EML4: variants seen among roughly 807,000 people sequenced by gnomAD.
EML4 encodes EMAP like 4, also known as echinoderm microtubule-associated protein-like 4.
Under a neutral mutation model 129.0 loss-of-function variants are expected in EML4, and 72 were observed. That is an observed-to-expected ratio of 0.56 (90% CI 0.46 to 0.68). The LOEUF (loss-of-function observed/expected upper bound fraction) is 0.68. Ranked by LOEUF, EML4 falls within the 30% of genes least tolerant of loss-of-function variation. The pLI is 0.00. For missense variants in EML4, 1,363 were observed against 1,190.6 expected, an observed-to-expected ratio of 1.14 and a Z score of -2.13; for synonymous variants, 532 against 405.0, an observed-to-expected ratio of 1.31 and a Z score of -3.77.
intron 1 of EML4, among the ~76,000 whole-genome samples, chr2:42,221,433 A>G (rs1054573201): frequency 1.1e-4 from 8 of 71,702 alleles, no homozygotes; most frequent in African/African-American, 3.0e-4. Context: ...TTTTTGAGAC[A>G]GGACCTTGCT....
chr2:42,221,287 C>T lies in EML4; in HGVS notation c.26-24218C>T, dbSNP rs536269390. On this transcript the variant is annotated intron_variant, in intron 1 of 22. Coordinates refer to ENST00000318522, the MANE Select transcript of EML4 (RefSeq NM_019063.5). The stretch of plus-strand genomic sequence containing the variant: ...ATGACTTTAAGTTGAAGCCAGTGCT[C>T]ATTGACCATTCTGAAAATCCTAGGG... 5.9e-5 allele frequency among the ~76,000 whole-genome samples: 9 copies of T among 152,058 alleles called. No individual in the cohort carries two copies. The East Asian group carries it at 1.2e-3, about 20-fold the overall frequency.
intron 5 of EML4, among the ~76,000 whole-genome samples, chr2:42,263,896 A>G (rs918114757): frequency 2.6e-5 from 4 of 151,202 alleles, no homozygotes; most frequent in African/African-American, 4.9e-5. Flanking sequence ...CGCCCAGCTA[A>G]TTTTTGTATT....
At chr2:42,213,692 C>G (rs1415211411) in intron 1 of EML4, among the ~76,000 whole-genome samples, 1 of 151,970 alleles carries the variant, frequency 6.6e-6, no homozygotes, top group Non-Finnish European at 1.5e-5. Flanking sequence ...GACTAGAAAA[C>G]AAGAATAATT....
intron 3 of EML4, among the ~76,000 whole-genome samples, chr2:42,260,843 A>G (rs755920862): frequency 9.2e-5 from 14 of 152,224 alleles, no homozygotes; most frequent in Non-Finnish European, 1.6e-4. Flanking sequence ...GTCCCCCAAA[A>G]TCTGCCAAGA....
intron 17 of EML4, among the ~76,000 whole-genome samples, chr2:42,314,445 G>T (rs1480123559): frequency 6.6e-6 from 1 of 152,082 alleles, no homozygotes; most frequent in African/African-American, 2.4e-5. Flanking sequence ...GAAACTTTTA[G>T]GCAGCTAACC....
intron 1 of EML4, among the ~76,000 whole-genome samples, chr2:42,199,537 T>C (rs182700421): frequency 6.6e-6 from 1 of 152,306 alleles, no homozygotes; most frequent in East Asian, 1.9e-4. Flanking sequence ...GACAGGACAA[T>C]GCTGTTATCT....
intron 17 of EML4, among the ~76,000 whole-genome samples, chr2:42,306,426 G>A (rs1275627134): frequency 6.8e-6 from 1 of 146,222 alleles, no homozygotes; most frequent in Non-Finnish European, 1.5e-5. Flanking sequence ...TAAAGTCCTT[G>A]AAATAATAAA....
chr2:42,325,989 C>A (rs1407599444), intron 20 of EML4, 165 bp from the exon 21 acceptor site: 1 of 639,932 alleles, frequency 1.6e-6, no homozygotes, highest in Non-Finnish European at 1.9e-6. Flanking sequence ...GTTTTATAAA[C>A]CCTGTTAAAG....
chr2:42,305,441 A>G lies in EML4; in HGVS notation c.1967+890A>G, dbSNP rs563652912. On this transcript the variant is annotated intron_variant, in intron 17 of 22. Coordinates refer to ENST00000318522, the MANE Select transcript of EML4 (RefSeq NM_019063.5). ...GAAGAATCAGAAAATTTCTCTCCTCATCTTTTATGCAGGGGAAGGATTTGA... is the reference window on the plus strand; with the variant it reads ...GAAGAATCAGAAAATTTCTCTCCTCGTCTTTTATGCAGGGGAAGGATTTGA... 7.9e-5 allele frequency among the ~76,000 whole-genome samples: 12 copies of G among 152,324 alleles called. No individual in the cohort carries two copies. The South Asian group carries it at 2.3e-3, about 29-fold the overall frequency.
intron 13 of EML4, among the ~76,000 whole-genome samples, chr2:42,300,803 A>G (rs1668239542): frequency 6.6e-6 from 1 of 152,206 alleles, no homozygotes; most frequent in South Asian, 2.1e-4. Flanking sequence ...GCCTAGTCAC[A>G]GCTTTGTTAT....
At chr2:42,197,881 A>C (rs1671986308) in intron 1 of EML4, among the ~76,000 whole-genome samples, 1 of 152,192 alleles carries the variant, frequency 6.6e-6, no homozygotes, top group South Asian at 2.1e-4. Flanking sequence ...ATAGAATTAG[A>C]AGCATAATAT....
Position 42,240,091 on chromosome 2 carries a change from C to G in EML4, c.26-5414C>G, listed in dbSNP as rs576447555. On this transcript the variant is annotated intron_variant, in intron 1 of 22. Transcript: ENST00000318522. ...AATGATGAGAGGGGTTGTTGGACTT[C>G]AAGATAGTGTCTGTTCTTGTTTTAG... is the stretch of plus-strand genomic sequence containing the variant. 2.0e-5 allele frequency among the ~76,000 whole-genome samples: 3 copies of G among 152,238 alleles called. No homozygotes were observed. In the South Asian group the frequency reaches 6.2e-4, roughly 32 times the overall value.
intron 1 of EML4, among the ~76,000 whole-genome samples, chr2:42,201,301 T>C (rs1048095328): frequency 5.3e-5 from 8 of 152,326 alleles, no homozygotes; most frequent in South Asian, 2.1e-4. Context: ...TAGTAAGCTG[T>C]GAAGGAGTTA....
rs139914858 is a variant in EML4, at chr2:42,280,918, A to T, written c.736A>T (p.Asn246Tyr). ...CATGTTCATTCCTTCCGATGTTGACAACTATGATGACATCAGAACGGAACT... is the reference window on the plus strand; with the variant it reads ...CATGTTCATTCCTTCCGATGTTGACTACTATGATGACATCAGAACGGAACT... ...ITMFIPSDVD[N>Y]YDDIRTELPP... Residue 246 changes from asparagine (N) to tyrosine (Y), a missense_variant, in exon 7 of 23, where the codon AAC becomes TAC. Coordinates refer to ENST00000318522, the MANE Select transcript of EML4 (RefSeq NM_019063.5). 19 of 1,612,826 alleles carry T rather than the reference A, an allele frequency of 1.2e-5. No homozygotes were observed. Among genetic ancestry groups the T allele is most frequent in the South Asian group, 4.4e-5 (4 of 90,976 alleles).
At chr2:42,262,949 A>C (rs1665826248) in intron 4 of EML4, among the ~76,000 whole-genome samples, 1 of 152,218 alleles carries the variant, frequency 6.6e-6, no homozygotes, top group Admixed American at 6.5e-5. Flanking sequence ...AAAATCAGGT[A>C]ATATTTGTTC....
intron 1 of EML4, among the ~76,000 whole-genome samples, chr2:42,208,826 T>C (rs370966356): frequency 5.9e-4 from 89 of 150,314 alleles, no homozygotes; most frequent in African/African-American, 2.1e-3. Flanking sequence ...GAAAGCCACA[T>C]AGAACAAATT....
intron 1 of EML4, among the ~76,000 whole-genome samples, chr2:42,238,983 G>A (rs1159075462): frequency 1.3e-5 from 2 of 152,094 alleles, no homozygotes; most frequent in Non-Finnish European, 2.9e-5. Flanking sequence ...TGCCCAGGCT[G>A]GTCTTGAACT....
chr2:42,221,688 C>G (rs889696360), intron 1 of EML4, among the ~76,000 whole-genome samples: 1 of 151,962 alleles, frequency 6.6e-6, no homozygotes, highest in African/African-American at 2.4e-5. Context: ...ATCACAGCCT[C>G]CGCCTCCTGG....
At position 42,169,484 on chromosome 2, in the gene EML4, C is replaced by T. The variant is rs920667024; in HGVS notation, c.-128C>T. On this transcript the variant is annotated 5_prime_UTR_variant, in exon 1 of 23. Coordinates refer to ENST00000318522, the MANE Select transcript of EML4 (RefSeq NM_019063.5). The stretch of plus-strand genomic sequence containing the variant: ...AGGGCGAACGGACGGACGACGGAGG[C>T]GGGAGCCGGTAGCCGAGCCGGGCGA... The T allele has an allele frequency of 6.3e-6, 7 of 1,108,052 alleles. No homozygotes were observed. In the Admixed American group the frequency reaches 8.1e-5, roughly 13 times the overall value. 68.6% of individuals were successfully genotyped at this position (1,108,052 alleles called of 1,614,324 possible). A position where few individuals can be genotyped will look rare whatever the true frequency, so the allele number is the denominator to read the frequency against.
Sources: gnomAD v4.1 joint callset for allele counts (sites outside exome capture counted in the v4.1 genomes callset) on GRCh38, gnomAD v4.1.1 for gene constraint, MANE v1.5 for transcripts, NCBI Gene and HGNC (gene_info 2026-07-23, HGNC 2026-07-21) for gene names.